RASSF6: variants seen among roughly 807,000 people sequenced by gnomAD.
The protein encoded by RASSF6 is Ras association domain family member 6.
A neutral mutation model predicts 44.0 loss-of-function variants in RASSF6; 52 were observed. The observed-to-expected ratio is 1.18, with a 90% CI of 0.95 to 1.49. RASSF6 has a LOEUF of 1.49. Among genes scored for constraint, RASSF6 ranks in the 40% most tolerant of loss-of-function variants. RASSF6 has a pLI of 0.00. For missense variants in RASSF6, 464 were observed against 393.3 expected, an observed-to-expected ratio of 1.18 and a Z score of -1.52; for synonymous variants, 162 against 124.6, an observed-to-expected ratio of 1.30 and a Z score of -2.00.
At chr4:73,598,593 T>C (rs761176476) in intron 3 of RASSF6, 47 bp downstream of exon 3, 2 of 851,946 alleles carry the variant, frequency 2.3e-6, no homozygotes, top group African/African-American at 1.7e-5. Flanking sequence ...TGTGCACGCA[T>C]GTGTGTGTGT....
chr4:73,594,554 T>C (rs866601128), intron 3 of RASSF6, among the ~76,000 whole-genome samples: 1 of 152,232 alleles, frequency 6.6e-6, no homozygotes, highest in South Asian at 2.1e-4. Context: ...GACATTATGA[T>C]AACCCCTAAT....
At chr4:73,581,688 C>T in intron 8 of RASSF6, 129 bp downstream of exon 8, 3 of 590,920 alleles carry the variant, frequency 5.1e-6, no homozygotes, top group Non-Finnish European at 9.1e-6. Context: ...AAAGACCACT[C>T]CTTCCTTTTC....
At chr4:73,591,047 C>G (rs1724512078) in intron 4 of RASSF6, among the ~76,000 whole-genome samples, 1 of 152,124 alleles carries the variant, frequency 6.6e-6, no homozygotes, top group Non-Finnish European at 1.5e-5. Flanking sequence ...TTGCTAGGAA[C>G]AAGTGTTTTA....
intron 3 of RASSF6, among the ~76,000 whole-genome samples, chr4:73,596,757 A>T (rs1435088025): frequency 2.6e-5 from 4 of 152,200 alleles, no homozygotes; most frequent in African/African-American, 9.7e-5. Context: ...ACAGCATGAT[A>T]CTGGTACGAG....
intron 3 of RASSF6, among the ~76,000 whole-genome samples, chr4:73,596,097 T>C (rs1352455738): frequency 6.6e-6 from 1 of 152,084 alleles, no homozygotes; most frequent in African/African-American, 2.4e-5. Flanking sequence ...AGAAAAAAAG[T>C]AAACATAAGG....
At position 73,582,216 on chromosome 4, in the gene RASSF6, T is replaced by C; in HGVS notation, c.642A>G (p.Val214=). ...TAAATTTTTGGAGAAGTTGCTTTATTACTTCTTCAGTTCTCATGTTACTGT... is the reference window on the plus strand; with the variant it reads ...TAAATTTTTGGAGAAGTTGCTTTATCACTTCTTCAGTTCTCATGTTACTGT... ...RVNSNMRTEE[V]IKQLLQKFKI... is the part of the protein sequence containing the mutation. Residue 214 remains valine (V), a synonymous_variant, in exon 7 of 11, where the codon GTA becomes GTG. Transcript: ENST00000307439. 6.3e-7 allele frequency: 1 copy of C among 1,584,752 alleles called. No individual in the cohort carries two copies. Among genetic ancestry groups the C allele is most frequent in the Admixed American group, 1.7e-5 (1 of 58,654 alleles).
intron 1 of RASSF6, chr4:73,615,884 G>T: frequency 6.5e-7 from 1 of 1,550,130 alleles, no homozygotes; most frequent in Non-Finnish European, 8.7e-7. Context: ...GGCTTGCCTG[G>T]ACTTACCAGT....
At chr4:73,611,247 C>G (rs1725988878) in intron 2 of RASSF6, among the ~76,000 whole-genome samples, 1 of 152,100 alleles carries the variant, frequency 6.6e-6, no homozygotes, top group South Asian at 2.1e-4. Context: ...CTCTATTGTT[C>G]CCAAAGCAAT....
At chr4:73,595,659 T>C (rs1724886376) in intron 3 of RASSF6, among the ~76,000 whole-genome samples, 1 of 152,148 alleles carries the variant, frequency 6.6e-6, no homozygotes, top group African/African-American at 2.4e-5. Flanking sequence ...GTATAAATAA[T>C]CATTTTCCTA....
intron 1 of RASSF6, among the ~76,000 whole-genome samples, chr4:73,613,004 G>A (rs1745285): frequency 0.99 from 150,185 of 152,282 alleles, 74,086 homozygotes; most frequent in East Asian, 1. Context: ...CCTCCTCACT[G>A]CAGGTCCAGA....
chr4:73,615,177 T>A (rs1380400685), intron 1 of RASSF6, among the ~76,000 whole-genome samples: 2 of 7,462 alleles, frequency 2.7e-4, no homozygotes, highest in African/African-American at 4.6e-4. Context: ...TGACTCTGTC[T>A]CAAAAAAAAA....
chr4:73,620,529 G>A, upstream of RASSF6: 3 of 1,468,058 alleles, frequency 2.0e-6, no homozygotes, highest in Non-Finnish European at 2.7e-6. Flanking sequence ...CAGTGCCCCC[G>A]ACGCGATCAG....
intron 1 of RASSF6, 59 bp downstream of exon 1, chr4:73,620,229 C>A: frequency 8.7e-7 from 1 of 1,147,312 alleles, no homozygotes; most frequent in African/African-American, 1.6e-5. Context: ...AATAACTTGC[C>A]CTCAACATGA....
At chr4:73,609,082 T>A (rs886123659) in intron 2 of RASSF6, among the ~76,000 whole-genome samples, 5 of 152,354 alleles carry the variant, frequency 3.3e-5, no homozygotes, top group Middle Eastern at 6.8e-3. Context: ...GAGCTGCCCT[T>A]AGAAGAGGCA....
Position 73,576,257 on chromosome 4 carries a change from A to C in RASSF6, c.992T>G (p.Ile331Arg). The C allele has an allele frequency of 6.4e-7, 1 of 1,558,040 alleles. No individual in the cohort carries two copies. Among genetic ancestry groups the C allele is most frequent in the East Asian group, 2.2e-5 (1 of 44,522 alleles). ...ILKCLQNKLVIKTETTV is the reference protein window; with the variant it reads ...ILKCLQNKLVRKTETTV ...CTGCTAAACTGTTGTCTCTGTTTTTATTACTAGTTTATTTTGAAGACATTT... is the reference window on the plus strand; with the variant it reads ...CTGCTAAACTGTTGTCTCTGTTTTTCTTACTAGTTTATTTTGAAGACATTT... Residue 331 changes from isoleucine (I) to arginine (R), a missense_variant, in exon 11 of 11, where the codon ATA becomes AGA. By Grantham distance (97) the Ile-to-Arg change is moderately conservative. Transcript: ENST00000307439.
chr4:73,582,055 G>C, intron 7 of RASSF6, 134 bp downstream of exon 7: 1 of 652,106 alleles, frequency 1.5e-6, no homozygotes, highest in Non-Finnish European at 2.6e-6. Context: ...TTATACAAAG[G>C]AAAGAATCTT....
chr4:73,608,376 T>C (rs1038769640), intron 2 of RASSF6, among the ~76,000 whole-genome samples: 1 of 152,154 alleles, frequency 6.6e-6, no homozygotes, highest in Non-Finnish European at 1.5e-5. Context: ...GCTCAATGAC[T>C]GTTGACAATA....
rs188233117 is a variant in RASSF6, at chr4:73,573,932, C to G, written c.*2303G>C. On this transcript the variant is annotated 3_prime_UTR_variant, in exon 11 of 11. Coordinates refer to ENST00000307439, the MANE Select transcript of RASSF6 (RefSeq NM_177532.5). ...CAAGAGGAAGGGGTCTTTCCTGATT[C>G]CTCCAGGCTGACAGGCCAGGCTACT... 2 of 152,256 alleles carry G rather than the reference C, an allele frequency of 1.3e-5. No homozygotes were observed. The highest frequency in any genetic ancestry group is 4.8e-5 in the African/African-American group (2 of 41,436). 9.4% of individuals were successfully genotyped at this position (152,256 alleles called of 1,614,324 possible). A position where few individuals can be genotyped will look rare whatever the true frequency, so the allele number is the denominator to read the frequency against.
chr4:73,581,387 C>A (rs1745300), intron 8 of RASSF6, among the ~76,000 whole-genome samples: 95,408 of 151,922 alleles, frequency 0.63, 30,264 homozygotes, highest in East Asian at 0.68. Context: ...AGAGATAGCA[C>A]TCCCGCAATG....
Sources: allele counts gnomAD v4.1 joint callset (sites outside exome capture counted in the v4.1 genomes callset), GRCh38; gene constraint gnomAD v4.1.1; transcripts MANE v1.5; gene names NCBI Gene and HGNC (gene_info 2026-07-23, HGNC 2026-07-21).